The following NRCAM variants were observed in gnomAD, a reference collection of about 807,000 sequenced individuals.
NRCAM encodes NgCAM-related cell adhesion molecule.
NRCAM carries 83 observed loss-of-function variants against 156.5 expected under a neutral mutation model. The ratio of observed to expected loss-of-function variants is 0.53; its 90% CI spans 0.44 to 0.64. The LOEUF (loss-of-function observed/expected upper bound fraction) is 0.64. Among genes scored for constraint, NRCAM ranks in the 30% least tolerant of loss-of-function variants. NRCAM has a pLI of 0.00. For synonymous variants in NRCAM, 538 were observed against 563.9 expected, an observed-to-expected ratio of 0.95 and a Z score of 0.65; for missense variants, 1,417 against 1,597.3, an observed-to-expected ratio of 0.89 and a Z score of 1.92.
chr7:108,322,641 G>A (rs772824568), intron 2 of NRCAM, among the ~76,000 whole-genome samples: 1 of 152,052 alleles, frequency 6.6e-6, no homozygotes, highest in Non-Finnish European at 1.5e-5. Flanking sequence ...TAGATATCTC[G>A]GTAGTGTCAG....
At chr7:108,281,417 T>C (rs919843638) in intron 3 of NRCAM, among the ~76,000 whole-genome samples, 5 of 152,102 alleles carry the variant, frequency 3.3e-5, no homozygotes, top group Admixed American at 6.6e-5. Context: ...CATAAATTAC[T>C]AAAATACAAG....
chr7:108,153,774 C>T (rs1225584279), intron 32 of NRCAM, among the ~76,000 whole-genome samples: 1 of 152,076 alleles, frequency 6.6e-6, no homozygotes, highest in Non-Finnish European at 1.5e-5. Context: ...GTCAATTCTA[C>T]TTATGTTCTT....
At chr7:108,455,093 G>T (rs1345029030) in intron 1 of NRCAM, among the ~76,000 whole-genome samples, 2 of 152,150 alleles carry the variant, frequency 1.3e-5, no homozygotes, top group Non-Finnish European at 2.9e-5. Flanking sequence ...GGAAGGAAGC[G>T]GCCTGTTCGC....
intron 32 of NRCAM, among the ~76,000 whole-genome samples, chr7:108,157,903 T>G (rs950125770): frequency 1.3e-5 from 2 of 152,144 alleles, no homozygotes; most frequent in African/African-American, 4.8e-5. Context: ...TACATTTTTT[T>G]TCAGGGCCAC....
At chr7:108,433,729 A>G (rs540825462) in intron 1 of NRCAM, among the ~76,000 whole-genome samples, 50 of 152,286 alleles carry the variant, frequency 3.3e-4, no homozygotes, top group Middle Eastern at 3.4e-3. Flanking sequence ...CATGAGTGGA[A>G]GCAGTCAAGG....
At chr7:108,343,629 AG>A (rs988621981) in intron 2 of NRCAM, among the ~76,000 whole-genome samples, 2 of 152,208 alleles carry the variant, frequency 1.3e-5, no homozygotes, top group Non-Finnish European at 2.9e-5. Flanking sequence ...TCCTCCCCTC[AG>A]GATGGCTAGC....
intron 3 of NRCAM, among the ~76,000 whole-genome samples, chr7:108,279,129 G>T (rs2154081117): frequency 6.6e-6 from 1 of 152,340 alleles, no homozygotes; most frequent in East Asian, 1.9e-4. Flanking sequence ...GGTAAGAGAT[G>T]AGTTATTTGG....
Position 108,240,023 on chromosome 7 carries a change from C to T in NRCAM, c.42G>A (p.Ala14=), listed in dbSNP as rs765438183. The change falls in exon 4 of 33, where the codon GCG becomes GCA. Residue 14 remains alanine (A), a synonymous_variant. Coordinates refer to ENST00000379028, the MANE Select transcript of NRCAM (RefSeq NM_001037132.4). The stretch of plus-strand genomic sequence containing the variant: ...GGAAGAGAATCAGGGGCACTCTGCC[C>T]GCAGATAAGCGCTTCTTTTTCGGCA... ...KIMPKKKRLS[A]GRVPLILFLC... 21 of 1,613,238 alleles carry T rather than the reference C, an allele frequency of 1.3e-5. No individual in the cohort carries two copies. Among genetic ancestry groups the T allele is most frequent in the East Asian group, 8.9e-5 (4 of 44,856 alleles).
chr7:108,189,618 G>A (rs936943597), intron 20 of NRCAM, 27 bp downstream of exon 20: 7 of 931,588 alleles, frequency 7.5e-6, no homozygotes, highest in Non-Finnish European at 1.1e-5. Flanking sequence ...TTAGTTGATC[G>A]GAAATAGAGC....
chr7:108,248,175 A>G (rs187421127), intron 3 of NRCAM, among the ~76,000 whole-genome samples: 5 of 152,254 alleles, frequency 3.3e-5, no homozygotes, highest in Admixed American at 3.3e-4. Context: ...TTCAGCAAAA[A>G]AGGCCCTTCA....
At chr7:108,204,234 G>T in intron 13 of NRCAM, among the ~76,000 whole-genome samples, 1 of 152,178 alleles carries the variant, frequency 6.6e-6, no homozygotes, top group Non-Finnish European at 1.5e-5. Context: ...GATAGTTTCT[G>T]CACCCCCCTC....
Position 108,318,711 on chromosome 7 carries a change from T to G in NRCAM, c.-173-5980A>C, listed in dbSNP as rs182274607. ...AGAAAACAAAGATGACCCCTGGTTCTGAATAGAGAAAAGGAGGTTTCATTC... is the reference window on the plus strand; with the variant it reads ...AGAAAACAAAGATGACCCCTGGTTCGGAATAGAGAAAAGGAGGTTTCATTC... On this transcript the variant is annotated intron_variant, in intron 2 of 32. Coordinates refer to ENST00000379028, the MANE Select transcript of NRCAM (RefSeq NM_001037132.4). Among the ~76,000 whole-genome samples the G allele has an allele frequency of 6.6e-4, 101 of 152,286 alleles. 1 individual carries two copies. Among genetic ancestry groups the G allele is most frequent in the Middle Eastern group, 3.4e-3 (1 of 294 alleles).
chr7:108,206,739 G>C (rs914672673), intron 13 of NRCAM, among the ~76,000 whole-genome samples: 4 of 152,116 alleles, frequency 2.6e-5, no homozygotes, highest in Non-Finnish European at 5.9e-5. Context: ...CAAGCCTTTA[G>C]CCAAGTTTTG....
At chr7:108,451,154 G>A (rs974304856) in intron 1 of NRCAM, among the ~76,000 whole-genome samples, 2 of 151,922 alleles carry the variant, frequency 1.3e-5, no homozygotes, top group Non-Finnish European at 2.9e-5. Flanking sequence ...GGGAGGCAGA[G>A]GTTGCAGTGA....
At chr7:108,423,310 G>A (rs537018485) in intron 1 of NRCAM, among the ~76,000 whole-genome samples, 19 of 152,162 alleles carry the variant, frequency 1.2e-4, no homozygotes, top group Non-Finnish European at 1.8e-4. Flanking sequence ...GAAAGTGAAG[G>A]AGAAAGAGTC....
chr7:108,296,244 C>T (rs1330894715), intron 3 of NRCAM, among the ~76,000 whole-genome samples: 1 of 152,164 alleles, frequency 6.6e-6, no homozygotes, highest in African/African-American at 2.4e-5. Context: ...GCTAGGAAAA[C>T]TTCTCTGTGG....
At chr7:108,274,857 A>G (rs1355823249) in intron 3 of NRCAM, among the ~76,000 whole-genome samples, 1 of 152,188 alleles carries the variant, frequency 6.6e-6, no homozygotes, top group African/African-American at 2.4e-5. Flanking sequence ...CCCATTCAGT[A>G]TGACATTAGC....
At chr7:108,408,515 T>G (rs1404933954) in intron 1 of NRCAM, among the ~76,000 whole-genome samples, 2 of 152,244 alleles carry the variant, frequency 1.3e-5, no homozygotes, top group Non-Finnish European at 2.9e-5. Flanking sequence ...AATTGGAAGC[T>G]TCCTGCCAGA....
chr7:108,410,027 AC>A (rs1236216953), intron 1 of NRCAM, among the ~76,000 whole-genome samples: 2 of 152,172 alleles, frequency 1.3e-5, no homozygotes, highest in Non-Finnish European at 2.9e-5. Flanking sequence ...TTAAATCATT[AC>A]AAAAAGAAGA....
Sources: allele counts gnomAD v4.1 joint callset (sites outside exome capture counted in the v4.1 genomes callset), GRCh38; gene constraint gnomAD v4.1.1; transcripts MANE v1.5; gene names NCBI Gene and HGNC (gene_info 2026-07-23, HGNC 2026-07-21).